The following DLG2 variants were observed in gnomAD, a reference collection of about 807,000 sequenced individuals.
The protein encoded by DLG2 is disks large homolog 2.
In DLG2, 45 loss-of-function variants were observed where a neutral mutation model predicts 132.5. The ratio of observed to expected loss-of-function variants is 0.34; its 90% CI spans 0.27 to 0.44. The LOEUF (loss-of-function observed/expected upper bound fraction) is 0.44, where lower values mean the gene tolerates loss of function less well. Among genes scored for constraint, DLG2 ranks in the 20% least tolerant of loss-of-function variants. The pLI, the probability that DLG2 is intolerant of heterozygous loss-of-function variation, is 1.00. For missense variants in DLG2, 1,045 were observed against 1,196.9 expected, an observed-to-expected ratio of 0.87 and a Z score of 1.87; for synonymous variants, 424 against 419.6, an observed-to-expected ratio of 1.01 and a Z score of -0.13.
chr11:85,307,849 T>G (rs904210003), intron 3 of DLG2, among the ~76,000 whole-genome samples: 15 of 152,124 alleles, frequency 9.9e-5, no homozygotes, highest in Admixed American at 2.0e-4. Flanking sequence ...CAGTTACAGG[T>G]GCTTATGTCA....
At chr11:83,479,539 C>A (rs935747946) in intron 22 of DLG2, among the ~76,000 whole-genome samples, 1 of 152,040 alleles carries the variant, frequency 6.6e-6, no homozygotes, top group African/African-American at 2.4e-5. Context: ...TCATAGAAAT[C>A]ATAAGAATCC....
intron 6 of DLG2, among the ~76,000 whole-genome samples, chr11:85,047,200 C>T (rs960185541): frequency 1.3e-5 from 2 of 151,976 alleles, no homozygotes. Context: ...ACTATATTTA[C>T]CAAGTGCTTG....
chr11:85,068,726 C>T (rs531271276), intron 6 of DLG2, among the ~76,000 whole-genome samples: 5 of 152,150 alleles, frequency 3.3e-5, no homozygotes, highest in African/African-American at 1.2e-4. Context: ...GCCATACAGC[C>T]CAAGGAAATT....
At chr11:84,928,982 G>GTGTGTGTGTGTGTATATA (rs1400906684) in intron 6 of DLG2, among the ~76,000 whole-genome samples, 46 of 49,112 alleles carry the variant, frequency 9.4e-4, no homozygotes, top group Non-Finnish European at 1.2e-3. Context: ...GTGTGTGTGT[G>GTGTGTGTGTGTGTATATA]TATATATATA....
chr11:83,772,065 G>A (rs2094415902), intron 18 of DLG2, among the ~76,000 whole-genome samples: 1 of 151,908 alleles, frequency 6.6e-6, no homozygotes. Context: ...TGTAACTTGT[G>A]ATCCCTTGGC....
At chr11:84,221,826 G>C (rs552458121) in intron 8 of DLG2, among the ~76,000 whole-genome samples, 1 of 152,168 alleles carries the variant, frequency 6.6e-6, no homozygotes, top group East Asian at 1.9e-4. Context: ...CTTACTAAGT[G>C]AAGGAATGAT....
chr11:83,544,527 C>A (rs1014870784), intron 19 of DLG2, among the ~76,000 whole-genome samples: 1 of 152,040 alleles, frequency 6.6e-6, no homozygotes, highest in Non-Finnish European at 1.5e-5. Flanking sequence ...TGGCAGCAAC[C>A]TAGGACCAGA....
In DLG2 at chr11:83,608,001, G is replaced by A. The variant is rs144722732; in HGVS notation, c.1940+25210C>T. Among the ~76,000 whole-genome samples, 5 of 152,206 alleles carry A rather than the reference G, an allele frequency of 3.3e-5. No individual in the cohort carries two copies. The South Asian group carries it at 6.2e-4, about 19-fold the overall frequency. ...TCTAGGATTGACTGAAATGGGGCATGAGGACGTCTTACGGGGTGTTAGAAA... is the reference window on the plus strand; with the variant it reads ...TCTAGGATTGACTGAAATGGGGCATAAGGACGTCTTACGGGGTGTTAGAAA... On this transcript the variant is annotated intron_variant, in intron 19 of 27. Coordinates refer to ENST00000376104, the MANE Select transcript of DLG2 (RefSeq NM_001142699.3).
intron 15 of DLG2, among the ~76,000 whole-genome samples, chr11:83,898,584 T>C (rs910646469): frequency 1.3e-5 from 2 of 152,136 alleles, no homozygotes; most frequent in African/African-American, 2.4e-5. Flanking sequence ...ATTTTTCTAT[T>C]ATTACTTTCT....
chr11:85,372,999 G>A (rs561058232), intron 3 of DLG2, among the ~76,000 whole-genome samples: 31 of 152,086 alleles, frequency 2.0e-4, no homozygotes, highest in African/African-American at 6.0e-4. Flanking sequence ...TCTCTTCCTC[G>A]GTTCTCTCTT....
At chr11:83,932,089 G>A (rs1267433110) in intron 14 of DLG2, among the ~76,000 whole-genome samples, 4 of 152,158 alleles carry the variant, frequency 2.6e-5, no homozygotes, top group Non-Finnish European at 5.9e-5. Context: ...GTAGATGAAA[G>A]TATACCAAAA....
intron 8 of DLG2, among the ~76,000 whole-genome samples, chr11:84,181,192 G>A (rs1381636416): frequency 6.6e-6 from 1 of 151,526 alleles, no homozygotes; most frequent in African/African-American, 2.4e-5. Context: ...TAAGTGAAAT[G>A]AATAATACAA....
intron 6 of DLG2, among the ~76,000 whole-genome samples, chr11:84,730,335 C>T (rs1272532710): frequency 1.3e-5 from 2 of 151,984 alleles, no homozygotes; most frequent in Non-Finnish European, 2.9e-5. Context: ...TAAAATGCCA[C>T]ATGTAAAAGT....
intron 9 of DLG2, among the ~76,000 whole-genome samples, chr11:84,108,176 G>A (rs7925643): frequency 0.8 from 121,342 of 152,022 alleles, 48,766 homozygotes; most frequent in Middle Eastern, 0.89. Context: ...AGATTTATGG[G>A]GAGCAGGGGA....
At chr11:84,898,498 A>C (rs1397853738) in intron 6 of DLG2, among the ~76,000 whole-genome samples, 1 of 152,006 alleles carries the variant, frequency 6.6e-6, no homozygotes, top group Non-Finnish European at 1.5e-5. Flanking sequence ...GTGAGAGTAA[A>C]CTAGCTTCTG....
In DLG2 at chr11:84,143,162, A is replaced by G. The variant is rs577273056; in HGVS notation, c.624+20299T>C. ...GCTGGGAATATAAGGCGAATAAAAT[A>G]TGATGCTCATTTTTTAGTCAGTATA... On this transcript the variant is annotated intron_variant, in intron 9 of 27. Transcript: ENST00000376104. 1.3e-4 allele frequency among the ~76,000 whole-genome samples: 18 copies of G among 140,488 alleles called. No individual in the cohort carries two copies. In the South Asian group the frequency reaches 3.3e-3, roughly 26 times the overall value. The allele number at this position is 140,488 out of a possible 152,430, so 92.2% of individuals were successfully genotyped here.
chr11:83,946,138 C>A (rs2083887698), intron 14 of DLG2, among the ~76,000 whole-genome samples: 1 of 151,800 alleles, frequency 6.6e-6, no homozygotes, highest in Admixed American at 6.6e-5. Flanking sequence ...TACAAGTGCC[C>A]ACCAACACTG....
At chr11:84,654,616 C>T (rs1376063064) in intron 6 of DLG2, among the ~76,000 whole-genome samples, 1 of 152,162 alleles carries the variant, frequency 6.6e-6, no homozygotes, top group African/African-American at 2.4e-5. Context: ...TATTAAAGGA[C>T]GTGCTGTTCT....
chr11:84,479,393 C>G (rs2099130645), intron 7 of DLG2, among the ~76,000 whole-genome samples: 1 of 152,024 alleles, frequency 6.6e-6, no homozygotes, highest in Non-Finnish European at 1.5e-5. Context: ...TTTCTTCTTT[C>G]CTTTATTCCA....
Sources: gnomAD v4.1 joint callset for allele counts (sites outside exome capture counted in the v4.1 genomes callset) on GRCh38, gnomAD v4.1.1 for gene constraint, MANE v1.5 for transcripts, NCBI Gene and HGNC (gene_info 2026-07-23, HGNC 2026-07-21) for gene names.